Variants in NLGN2 observed in about 807,000 individuals in gnomAD.
NLGN2 encodes the protein neuroligin 2, also known as neuroligin-2.
Under a neutral mutation model 48.6 loss-of-function variants are expected in NLGN2, and 11 were observed. The observed-to-expected ratio is 0.23, with a 90% CI of 0.14 to 0.37. The LOEUF (loss-of-function observed/expected upper bound fraction) is 0.37, where lower values mean the gene tolerates loss of function less well. NLGN2 is among the 10% of genes least tolerant of loss of function. The probability of loss-of-function intolerance (pLI) is 1.00; values close to 1 mark genes in which losing one functional copy is unlikely to be tolerated. For missense variants in NLGN2, 801 were observed against 1,225.2 expected (o/e 0.65, Z 5.17); for synonymous variants, 548 against 550.0 (o/e 1.00, Z 0.05).
chr17:7,410,330 T>C (rs974646031), intron 1 of NLGN2, among the ~76,000 whole-genome samples: 3 of 151,684 alleles, frequency 2.0e-5, no homozygotes, highest in African/African-American at 7.3e-5. Flanking sequence ...ATACACACAA[T>C]GCACAGAGCG....
At chr17:7,407,401 A>G (rs1906690139), upstream of NLGN2, among the ~76,000 whole-genome samples, 1 of 152,168 alleles carries the variant, frequency 6.6e-6, no homozygotes, top group Non-Finnish European at 1.5e-5. Flanking sequence ...CGCAGGCAGC[A>G]CAAATCCTTA....
In NLGN2 at chr17:7,419,838, G is replaced by A. The variant is rs1907315614; in HGVS notation, c.*2039G>A. ...CCTGGCAAAAGATGAAGAGAATATT[G>A]TAAATATAAAAGTTTAACTGTTGGT... On this transcript the variant is annotated 3_prime_UTR_variant, in exon 7 of 7. Transcript: ENST00000302926. 1 of 152,546 alleles carries A rather than the reference G, an allele frequency of 6.6e-6. No homozygotes were observed. The highest frequency in any genetic ancestry group is 1.5e-5 in the Non-Finnish European group (1 of 68,304). The allele number at this position is 152,546 out of a possible 1,614,324, so 9.4% of individuals were successfully genotyped here.
Position 7,417,410 on chromosome 17 carries a change from C to G in NLGN2, c.2119C>G (p.Leu707Val), listed in dbSNP as rs1907154645. The G allele has an allele frequency of 1.2e-6, 2 of 1,609,052 alleles. No individual in the cohort carries two copies. Among genetic ancestry groups the G allele is most frequent in the Non-Finnish European group, 1.7e-6 (2 of 1,178,478 alleles). Reference sequence around the variant, plus strand: ...CTACAAGCGGGACCGGCGGCAGGAGCTGCGGTGCAGGCGGCTTAGCCCACC... The same window carrying G: ...CTACAAGCGGGACCGGCGGCAGGAGGTGCGGTGCAGGCGGCTTAGCCCACC... Reference protein sequence around the residue: ...LYYKRDRRQELRCRRLSPPGG... With the variant: ...LYYKRDRRQEVRCRRLSPPGG... Residue 707 changes from leucine (L) to valine (V), a missense_variant, in exon 7 of 7, where the codon CTG becomes GTG. Leu to Val is a conservative substitution (Grantham distance 32). Coordinates refer to ENST00000302926, the MANE Select transcript of NLGN2 (RefSeq NM_020795.4).
At position 7,415,919 on chromosome 17, in the gene NLGN2, C is replaced by T. The variant is rs1907083883; in HGVS notation, c.1446C>T (p.Thr482=). Residue 482 remains threonine (T), a synonymous_variant, in exon 6 of 7, where the codon ACC becomes ACT. Coordinates refer to ENST00000302926, the MANE Select transcript of NLGN2 (RefSeq NM_020795.4). ...ADYQSPVYFY[T]FYHHCQAEGR... is the part of the protein sequence containing the mutation. The stretch of plus-strand genomic sequence containing the variant: ...ACCAGTCTCCCGTCTACTTTTACAC[C>T]TTCTACCACCACTGCCAGGCGGAGG... 1 of 1,613,466 alleles carries T rather than the reference C, an allele frequency of 6.2e-7. No homozygotes were observed. The highest frequency in any genetic ancestry group is 8.5e-7 in the Non-Finnish European group (1 of 1,179,596).
upstream of NLGN2, among the ~76,000 whole-genome samples, chr17:7,407,417 T>C (rs1027511933): frequency 1.2e-4 from 18 of 152,208 alleles, no homozygotes; most frequent in African/African-American, 4.3e-4. Flanking sequence ...CCTTAGCGAA[T>C]GGTGTGTTGA....
intron 5 of NLGN2, 35 bp from the exon 6 acceptor site, chr17:7,415,476 G>GAGC: frequency 6.3e-7 from 1 of 1,584,922 alleles, no homozygotes; most frequent in Non-Finnish European, 8.7e-7. Context: ...GGAGGCCAGT[G>GAGC]AGCAGGTGGT....
At position 7,408,565 on chromosome 17, in the gene NLGN2, C is replaced by T; in HGVS notation, c.310C>T (p.Pro104Ser). ...PGVRNATTLP[P>S]ACPQNLHGAL... ...CGTGCGCAACGCCACCACCCTGCCG[C>T]CCGCCTGCCCGCAGAACCTGCACGG... Residue 104 changes from proline to serine, a missense_variant, in exon 1 of 7, where the codon CCC becomes TCC. Coordinates refer to ENST00000302926, the MANE Select transcript of NLGN2 (RefSeq NM_020795.4). The surrounding 1 kb of genome is among the most constrained non-coding windows in gnomAD (Gnocchi z 7.5). 6.4e-7 allele frequency: 1 copy of T among 1,552,754 alleles called. No individual in the cohort carries two copies. Among genetic ancestry groups the T allele is most frequent in the Non-Finnish European group, 8.7e-7 (1 of 1,150,630 alleles).
In NLGN2 at chr17:7,415,991, T is replaced by C; in HGVS notation, c.1518T>C (p.Tyr506=). 1 of 1,614,226 alleles carries C rather than the reference T, an allele frequency of 6.2e-7. No homozygotes were observed. Among genetic ancestry groups the C allele is most frequent in the Non-Finnish European group, 8.5e-7 (1 of 1,180,046 alleles). ...CGGCGCACGGGGATGAACTGCCCTA[T>C]GTCTTTGGCGTGCCCATGGTGGGTG... ...ADAAHGDELP[Y]VFGVPMVGAT... is the part of the protein sequence containing the mutation. The change falls in exon 6 of 7, where the codon TAT becomes TAC. Residue 506 remains tyrosine, a synonymous_variant. Transcript: ENST00000302926.
At chr17:7,410,526 T>C (rs1174514840) in intron 1 of NLGN2, among the ~76,000 whole-genome samples, 2 of 151,858 alleles carry the variant, frequency 1.3e-5, no homozygotes, top group Non-Finnish European at 2.9e-5. Flanking sequence ...CCATGTGGGC[T>C]GCCCATCCCA....
chr17:7,416,234 T>G, intron 6 of NLGN2, 127 bp downstream of exon 6: 2 of 739,076 alleles, frequency 2.7e-6, no homozygotes, highest in Non-Finnish European at 4.7e-6. Flanking sequence ...CAGACACCTC[T>G]GTGCCAGGCA....
rs764310578 is a variant in NLGN2 at position 7,417,334 on chromosome 17, C to T, written c.2043C>T (p.Ala681=). ...DYSTELSVTV[A]VGASLLFLNI... is the part of the protein sequence containing the mutation. ...CCACGGAGCTGAGCGTCACCGTGGCCGTGGGTGCCTCCCTCCTCTTCCTCA... is the reference window on the plus strand; with the variant it reads ...CCACGGAGCTGAGCGTCACCGTGGCTGTGGGTGCCTCCCTCCTCTTCCTCA... Residue 681 remains alanine (A), a synonymous_variant, in exon 7 of 7, where the codon GCC becomes GCT. Coordinates refer to ENST00000302926, the MANE Select transcript of NLGN2 (RefSeq NM_020795.4). The T allele has an allele frequency of 5.6e-6, 9 of 1,610,802 alleles. No homozygotes were observed. The highest frequency in any genetic ancestry group is 3.3e-5 in the Admixed American group (2 of 59,876).
chr17:7,415,368 C>T (rs1205146180), intron 5 of NLGN2, 143 bp from the exon 6 acceptor site: 1 of 889,122 alleles, frequency 1.1e-6, no homozygotes. Flanking sequence ...GAGGCCAGAT[C>T]TCCCAAAGGA....
Position 7,419,390 on chromosome 17 carries a change from A to T in NLGN2, c.*1591A>T, listed in dbSNP as rs1297417847. On this transcript the variant is annotated 3_prime_UTR_variant, in exon 7 of 7. Coordinates refer to ENST00000302926, the MANE Select transcript of NLGN2 (RefSeq NM_020795.4). ...ATGTCTGGAAGGGCTTAAGGGACACAGTGGACGAGGGGAGAGTCCTCATCT... is the reference window on the plus strand; with the variant it reads ...ATGTCTGGAAGGGCTTAAGGGACACTGTGGACGAGGGGAGAGTCCTCATCT... The T allele has an allele frequency of 6.6e-6, 1 of 152,670 alleles. No individual in the cohort carries two copies. 9.5% of individuals were successfully genotyped at this position (152,670 alleles called of 1,614,324 possible). A position where few individuals can be genotyped will look rare whatever the true frequency, so the allele number is the denominator to read the frequency against.
At chr17:7,412,959 C>A (rs1368474796) in intron 2 of NLGN2, among the ~76,000 whole-genome samples, 1 of 151,880 alleles carries the variant, frequency 6.6e-6, no homozygotes, top group Non-Finnish European at 1.5e-5. Context: ...ATTCTTGTCG[C>A]CCCAGCCCCT....
At chr17:7,414,092 G>T (rs1906999084) in intron 2 of NLGN2, among the ~76,000 whole-genome samples, 1 of 152,032 alleles carries the variant, frequency 6.6e-6, no homozygotes, top group Admixed American at 6.6e-5. Flanking sequence ...GCCTCTACGG[G>T]GTTTCTTGGA....
rs561653907 is a variant in NLGN2 at position 7,411,899 on chromosome 17, C to G, written c.458-258C>G. ...TCAGCCCACTCAGGCACCCCACCCC[C>G]CCAAAACCAGCCTTTTCTTTGGGGC... On this transcript the variant is annotated intron_variant, in intron 1 of 6. Coordinates refer to ENST00000302926, the MANE Select transcript of NLGN2 (RefSeq NM_020795.4). This position sits in a 1 kb window ranked among gnomAD's most constrained non-coding sequence, Gnocchi z 4.5. 2.2e-4 allele frequency among the ~76,000 whole-genome samples: 33 copies of G among 152,272 alleles called. No homozygotes were observed. Among genetic ancestry groups the G allele is most frequent in the African/African-American group, 2.4e-4 (10 of 41,552 alleles).
chr17:7,419,655 C>G lies in NLGN2; in HGVS notation c.*1856C>G, dbSNP rs1010782516. Reference sequence around the variant, plus strand: ...AATGCTAGAGACCTGGGCCCTGAACCCTGTAGACAGATGCCCTCAGAATTG... The same window carrying G: ...AATGCTAGAGACCTGGGCCCTGAACGCTGTAGACAGATGCCCTCAGAATTG... On this transcript the variant is annotated 3_prime_UTR_variant, in exon 7 of 7. Coordinates refer to ENST00000302926, the MANE Select transcript of NLGN2 (RefSeq NM_020795.4). The G allele has an allele frequency of 6.6e-6, 1 of 152,314 alleles. No homozygotes were observed. Among genetic ancestry groups the G allele is most frequent in the Non-Finnish European group, 1.5e-5 (1 of 68,142 alleles). The allele number at this position is 152,314 out of a possible 1,614,324, so 9.4% of individuals were successfully genotyped here. A position where few individuals can be genotyped will look rare whatever the true frequency, so the allele number is the denominator to read the frequency against.
In NLGN2 at chr17:7,416,958, A is replaced by G; in HGVS notation, c.1667A>G (p.Lys556Arg). 1 of 1,614,038 alleles carries G rather than the reference A, an allele frequency of 6.2e-7. No individual in the cohort carries two copies. The highest frequency in any genetic ancestry group is 1.1e-5 in the South Asian group (1 of 91,070). ...AACCAGCCGGTGCCGCAGGATACCA[A>G]GTTCATCCACACCAAGCCCAATCGC... Reference protein sequence around the residue: ...DPNQPVPQDTKFIHTKPNRFE... With the variant: ...DPNQPVPQDTRFIHTKPNRFE... Residue 556 changes from lysine (K) to arginine (R), a missense_variant, in exon 7 of 7, where the codon AAG (lysine) becomes AGG (arginine). By Grantham distance (26) the Lys-to-Arg change is conservative (BLOSUM62 2). Transcript: ENST00000302926.
In NLGN2 at chr17:7,408,549, C is replaced by T. The variant is rs776472314; in HGVS notation, c.294C>T (p.Asn98=). The change falls in exon 1 of 7, where the codon AAC becomes AAT. Residue 98 remains asparagine, a synonymous_variant. Coordinates refer to ENST00000302926, the MANE Select transcript of NLGN2 (RefSeq NM_020795.4). This position sits in a 1 kb window ranked among gnomAD's most constrained non-coding sequence, Gnocchi z 7.5. ...CCGCCTCGTGGCCCGGCGTGCGCAA[C>T]GCCACCACCCTGCCGCCCGCCTGCC... ...EAPASWPGVR[N]ATTLPPACPQ... is the part of the protein sequence containing the mutation. The T allele has an allele frequency of 7.7e-6, 12 of 1,549,206 alleles. No homozygotes were observed. The African/African-American group carries it at 9.6e-5, about 12-fold the overall frequency.
Sources: allele counts gnomAD v4.1 joint callset (sites outside exome capture counted in the v4.1 genomes callset), GRCh38; gene constraint gnomAD v4.1.1; non-coding constraint Gnocchi (gnomAD v3.1); transcripts MANE v1.5; gene names NCBI Gene and HGNC (gene_info 2026-07-23, HGNC 2026-07-21).